The following COL25A1 variants were observed in gnomAD, a reference collection of about 807,000 sequenced individuals.
The protein encoded by COL25A1 is collagen type XXV alpha 1 chain, also known as collagen alpha-1(XXV) chain.
Under a neutral mutation model 128.4 loss-of-function variants are expected in COL25A1, and 103 were observed. That is an observed-to-expected ratio of 0.80 (90% confidence interval 0.68 to 0.94). The LOEUF (loss-of-function observed/expected upper bound fraction) is 0.94, where lower values mean the gene tolerates loss of function less well. COL25A1 is among the 40% of genes least tolerant of loss of function. COL25A1 has a pLI of 0.00. For missense variants in COL25A1, 745 were observed against 840.0 expected, an observed-to-expected ratio of 0.89 and a Z score of 1.40; for synonymous variants, 279 against 277.2, an observed-to-expected ratio of 1.01 and a Z score of -0.06.
intron 3 of COL25A1, among the ~76,000 whole-genome samples, chr4:109,202,907 T>C (rs1346612697): frequency 2.0e-5 from 3 of 152,066 alleles, no homozygotes; most frequent in Admixed American, 6.6e-5. Context: ...TGTACAGATA[T>C]ATGGATATGT....
intron 32 of COL25A1, among the ~76,000 whole-genome samples, chr4:108,829,463 C>T (rs574375300): frequency 2.6e-5 from 4 of 151,892 alleles, no homozygotes; most frequent in South Asian, 4.2e-4. Flanking sequence ...TGTGTGTGTG[C>T]GCCCACACAC....
intron 3 of COL25A1, among the ~76,000 whole-genome samples, chr4:109,127,672 GA>G (rs996490772): frequency 6.6e-6 from 1 of 151,516 alleles, no homozygotes; most frequent in South Asian, 2.1e-4. Context: ...TAGTAAAGGA[GA>G]AAAAAAAGAA....
intron 11 of COL25A1, among the ~76,000 whole-genome samples, chr4:108,932,798 C>T (rs956977528): frequency 1.3e-5 from 2 of 152,148 alleles, no homozygotes; most frequent in African/African-American, 2.4e-5. Flanking sequence ...GTTTTAACAA[C>T]GATTTGAATC....
At chr4:109,253,950 G>A (rs1289490037) in intron 3 of COL25A1, among the ~76,000 whole-genome samples, 4 of 152,052 alleles carry the variant, frequency 2.6e-5, no homozygotes, top group Admixed American at 1.3e-4. Flanking sequence ...ATCCCGGTGC[G>A]GTGGCGGGTG....
intron 3 of COL25A1, among the ~76,000 whole-genome samples, chr4:109,197,391 C>T (rs1234391129): frequency 1.7e-5 from 2 of 119,494 alleles, no homozygotes; most frequent in Non-Finnish European, 3.3e-5. Flanking sequence ...TATATAATCT[C>T]TCTATTATAT....
At chr4:108,957,191 A>G (rs1750172192) in intron 8 of COL25A1, among the ~76,000 whole-genome samples, 2 of 152,140 alleles carry the variant, frequency 1.3e-5, no homozygotes, top group Non-Finnish European at 2.9e-5. Context: ...TAAGGAGGAC[A>G]TAGAAGCATG....
chr4:108,840,421 T>C (rs1734309450), intron 31 of COL25A1, among the ~76,000 whole-genome samples: 1 of 151,844 alleles, frequency 6.6e-6, no homozygotes, highest in Admixed American at 6.6e-5. Flanking sequence ...GCTTCTGAGA[T>C]AGTTACTCAC....
intron 30 of COL25A1, among the ~76,000 whole-genome samples, chr4:108,843,410 T>C (rs1018379815): frequency 2.0e-5 from 3 of 152,278 alleles, no homozygotes; most frequent in African/African-American, 7.2e-5. Flanking sequence ...GAGAGACACA[T>C]GTGACCTTCT....
intron 27 of COL25A1, 136 bp from the exon 28 acceptor site, chr4:108,846,355 G>C (rs1735096823): frequency 1.5e-6 from 1 of 651,226 alleles, no homozygotes; most frequent in East Asian, 2.6e-5. Flanking sequence ...TTTGTTTTTA[G>C]GTAGAGTTAT....
intron 3 of COL25A1, among the ~76,000 whole-genome samples, chr4:109,207,459 G>A (rs924596829): frequency 6.6e-6 from 1 of 152,112 alleles, no homozygotes; most frequent in Non-Finnish European, 1.5e-5. Context: ...CACTCCTGAT[G>A]GCTTGTCCCT....
At chr4:108,869,049 GAAAA>G (rs1446951150) in intron 20 of COL25A1, 35 bp downstream of exon 20, 4 of 1,300,128 alleles carry the variant, frequency 3.1e-6, no homozygotes, top group African/African-American at 1.5e-5. Flanking sequence ...AAGAAAGAAA[GAAAA>G]AGAAAGAAAG....
intron 36 of COL25A1, among the ~76,000 whole-genome samples, chr4:108,818,227 C>T (rs371056031): frequency 6.6e-6 from 1 of 152,030 alleles, no homozygotes; most frequent in African/African-American, 2.4e-5. Context: ...TCATCAATAC[C>T]AAGCAAACAA....
At chr4:108,989,413 T>G (rs1333737441) in intron 6 of COL25A1, among the ~76,000 whole-genome samples, 5 of 152,204 alleles carry the variant, frequency 3.3e-5, no homozygotes, top group African/African-American at 1.2e-4. Context: ...GTAAGAAGTT[T>G]CAAGGAAGGT....
At chr4:109,259,182 C>A (rs570404032) in intron 3 of COL25A1, among the ~76,000 whole-genome samples, 9 of 151,966 alleles carry the variant, frequency 5.9e-5, no homozygotes, top group African/African-American at 1.9e-4. Context: ...GATTTCTGTG[C>A]GGAGATTATT....
At chr4:108,862,459 G>C (rs764460736) in intron 22 of COL25A1, 42 bp downstream of exon 22, 1 of 1,470,588 alleles carries the variant, frequency 6.8e-7, no homozygotes, top group Admixed American at 1.7e-5. Flanking sequence ...CACAGATCTT[G>C]AAGGCCTCAT....
chr4:109,006,068 A>C (rs1755937337), intron 6 of COL25A1, among the ~76,000 whole-genome samples: 1 of 152,192 alleles, frequency 6.6e-6, no homozygotes, highest in Admixed American at 6.5e-5. Flanking sequence ...AGATAATCAA[A>C]ATTTCAAGTT....
intron 3 of COL25A1, among the ~76,000 whole-genome samples, chr4:109,059,897 C>T (rs1761804323): frequency 6.6e-6 from 1 of 151,914 alleles, no homozygotes; most frequent in Non-Finnish European, 1.5e-5. Context: ...ATAACAGTAA[C>T]ACTTCTGTAG....
At chr4:108,905,613 T>A (rs1743392347) in intron 13 of COL25A1, among the ~76,000 whole-genome samples, 1 of 151,954 alleles carries the variant, frequency 6.6e-6, no homozygotes, top group South Asian at 2.1e-4. Flanking sequence ...AAATTACATA[T>A]GCAGTTTGTA....
chr4:109,021,385 T>C (rs1757743426), intron 5 of COL25A1, among the ~76,000 whole-genome samples: 1 of 152,236 alleles, frequency 6.6e-6, no homozygotes, highest in Non-Finnish European at 1.5e-5. Flanking sequence ...GAAGATTTCA[T>C]GGACATTTAT....
Sources: gnomAD v4.1 joint callset for allele counts (sites outside exome capture counted in the v4.1 genomes callset) on GRCh38, gnomAD v4.1.1 for gene constraint, MANE v1.5 for transcripts, NCBI Gene and HGNC (gene_info 2026-07-23, HGNC 2026-07-21) for gene names.